Variants in FNBP1L observed in about 807,000 individuals in gnomAD.
FNBP1L encodes formin-binding protein 1-like.
Under a neutral mutation model 91.2 loss-of-function variants are expected in FNBP1L, and 36 were observed. That is an observed-to-expected ratio of 0.39 (90% CI 0.30 to 0.52). FNBP1L has a LOEUF of 0.52. Ranked by LOEUF, FNBP1L falls within the 20% of genes least tolerant of loss-of-function variation. The pLI is 0.66. For synonymous variants in FNBP1L, 242 were observed against 237.0 expected (o/e 1.02, Z -0.19); for missense variants, 571 against 732.1 (o/e 0.78, Z 2.54).
At position 93,510,604 on chromosome 1, in the gene FNBP1L, C is replaced by T. The variant is rs556480438; in HGVS notation, c.140+11021C>T. Reference sequence around the variant, plus strand: ...TCACCAGCAACGGAACAAAGCTGGACGGAGAATGACTTTGATGAGCTGAGA... The same window carrying T: ...TCACCAGCAACGGAACAAAGCTGGATGGAGAATGACTTTGATGAGCTGAGA... On this transcript the variant is annotated intron_variant, in intron 2 of 16. Transcript: ENST00000271234. 4.9e-4 allele frequency among the ~76,000 whole-genome samples: 75 copies of T among 151,786 alleles called. 1 individual carries two copies. Among genetic ancestry groups the T allele is most frequent in the African/African-American group, 1.5e-3 (62 of 41,370 alleles).
intron 5 of FNBP1L, among the ~76,000 whole-genome samples, chr1:93,527,917 C>T (rs1036007869): frequency 6.6e-6 from 1 of 151,614 alleles, no homozygotes; most frequent in African/African-American, 2.4e-5. Context: ...AATTTTACAT[C>T]CATGAAATAA....
intron 11 of FNBP1L, 138 bp from the exon 12 acceptor site, chr1:93,543,969 T>TG: frequency 2.1e-6 from 1 of 484,598 alleles, no homozygotes; most frequent in Non-Finnish European, 3.6e-6. Context: ...GTAGATTTCT[T>TG]TTTTTTTTAA....
rs138214449 is a variant in FNBP1L at position 93,480,218 on chromosome 1, T to C, written c.25-19250T>C. ...TTTACTGAACCTCAGAACAATTTAG[T>C]GAAGAGAACAATTTAACAAAGAGAA... On this transcript the variant is annotated intron_variant, in intron 1 of 16. Transcript: ENST00000271234. Among the ~76,000 whole-genome samples the C allele has an allele frequency of 1.9e-3, 290 of 152,282 alleles. 2 individuals carry two copies. The highest frequency in any genetic ancestry group is 6.7e-3 in the African/African-American group (278 of 41,562).
intron 12 of FNBP1L, among the ~76,000 whole-genome samples, chr1:93,545,516 G>A (rs1024728287): frequency 6.6e-6 from 1 of 152,130 alleles, no homozygotes; most frequent in Admixed American, 6.6e-5. Flanking sequence ...AATAATAGAA[G>A]TTGAGGATGA....
intron 1 of FNBP1L, among the ~76,000 whole-genome samples, chr1:93,475,177 A>G (rs1037684167): frequency 1.1e-4 from 17 of 152,194 alleles, no homozygotes; most frequent in Non-Finnish European, 2.5e-4. Flanking sequence ...TTGCAATGAA[A>G]GAAGTAAAAT....
In FNBP1L at chr1:93,515,704, GAATTGAAC is replaced by G. The variant is rs543688555; in HGVS notation, c.141-6374_141-6367del. ...ACCGCATATTCTCCCTCATAGGTGG[GAATTGAAC>G]AATGAGAACACATGGACACAGGAAG... On this transcript the variant is annotated intron_variant, in intron 2 of 16. Coordinates refer to ENST00000271234, the MANE Select transcript of FNBP1L (RefSeq NM_001164473.3). 1.7e-3 allele frequency among the ~76,000 whole-genome samples: 243 copies of G among 146,466 alleles called. 1 individual carries two copies. Among genetic ancestry groups the G allele is most frequent in the South Asian group, 5.0e-3 (23 of 4,586 alleles).
chr1:93,542,014 C>A (rs1672062545), intron 11 of FNBP1L, among the ~76,000 whole-genome samples: 1 of 151,954 alleles, frequency 6.6e-6, no homozygotes, highest in Non-Finnish European at 1.5e-5. Flanking sequence ...AAAAAAAACT[C>A]CACAGTATGT....
chr1:93,515,134 C>G (rs1329838478), intron 2 of FNBP1L, among the ~76,000 whole-genome samples: 2 of 152,338 alleles, frequency 1.3e-5, no homozygotes, highest in South Asian at 2.1e-4. Context: ...CAAAAGAAGA[C>G]ATTTATGCAG....
At chr1:93,543,992 G>T in intron 11 of FNBP1L, 115 bp from the exon 12 acceptor site, 4 of 661,912 alleles carry the variant, frequency 6.0e-6, no homozygotes, top group Admixed American at 3.8e-5. Context: ...GGTTGCTTGA[G>T]GCAAATTTGA....
In FNBP1L at chr1:93,453,746, C is replaced by T. The variant is rs542046602; in HGVS notation, c.24+5441C>T. On this transcript the variant is annotated intron_variant, in intron 1 of 16. Coordinates refer to ENST00000271234, the MANE Select transcript of FNBP1L (RefSeq NM_001164473.3). ...TGTTCTATAGAATGTGAAAGCCGTT[C>T]CATATTTCAGTTCAGGCCATGTCTA... Among the ~76,000 whole-genome samples, 31 of 152,270 alleles carry T rather than the reference C, an allele frequency of 2.0e-4. No individual in the cohort carries two copies. The South Asian group carries it at 6.2e-3, about 31-fold the overall frequency.
At position 93,474,832 on chromosome 1, in the gene FNBP1L, T is replaced by A. The variant is rs530720687; in HGVS notation, c.25-24636T>A. 4.6e-5 allele frequency among the ~76,000 whole-genome samples: 7 copies of A among 152,348 alleles called. No individual in the cohort carries two copies. In the South Asian group the frequency reaches 1.4e-3, roughly 32 times the overall value. On this transcript the variant is annotated intron_variant, in intron 1 of 16. Transcript: ENST00000271234. ...CCTTACTAAATAACTACATCCTAAC[T>A]TCTTCTGCCTCTTTTCACTGTAGTT...
At chr1:93,475,654 A>G (rs1430303045) in intron 1 of FNBP1L, among the ~76,000 whole-genome samples, 2 of 152,244 alleles carry the variant, frequency 1.3e-5, no homozygotes, top group Non-Finnish European at 2.9e-5. Context: ...AATATTTTGC[A>G]TAAGTGTAAA....
chr1:93,450,046 C>T (rs1668435788), intron 1 of FNBP1L, among the ~76,000 whole-genome samples: 1 of 151,970 alleles, frequency 6.6e-6, no homozygotes, highest in African/African-American at 2.4e-5. Flanking sequence ...CATAGGAAAA[C>T]AGTGGAGGCA....
intron 1 of FNBP1L, among the ~76,000 whole-genome samples, chr1:93,457,287 C>G (rs1668704015): frequency 6.6e-6 from 1 of 152,156 alleles, no homozygotes; most frequent in Non-Finnish European, 1.5e-5. Context: ...CACCTTCTTC[C>G]TTTTTAACAT....
At position 93,553,477 on chromosome 1, in the gene FNBP1L, A is replaced by G. The variant is rs1239441156; in HGVS notation, c.*1061A>G. The G allele has an allele frequency of 6.6e-6, 1 of 152,654 alleles. No individual in the cohort carries two copies. Among genetic ancestry groups the G allele is most frequent in the Non-Finnish European group, 1.5e-5 (1 of 68,030 alleles). The allele number at this position is 152,654 out of a possible 1,614,324, so 9.5% of individuals were successfully genotyped here. A position where few individuals can be genotyped will look rare whatever the true frequency, so the allele number is the denominator to read the frequency against. ...CAGTGGTGCATCTTCAAATTTATGC[A>G]TCAAACTAAAGACATGTCCAAGTCC... On this transcript the variant is annotated 3_prime_UTR_variant, in exon 17 of 17. Coordinates refer to ENST00000271234, the MANE Select transcript of FNBP1L (RefSeq NM_001164473.3).
At chr1:93,487,180 C>T (rs1468446074) in intron 1 of FNBP1L, among the ~76,000 whole-genome samples, 2 of 152,202 alleles carry the variant, frequency 1.3e-5, no homozygotes, top group Non-Finnish European at 2.9e-5. Flanking sequence ...ACACTTTCTC[C>T]TCCTTGAAAT....
intron 1 of FNBP1L, among the ~76,000 whole-genome samples, chr1:93,477,553 A>G (rs936773422): frequency 5.9e-5 from 9 of 152,208 alleles, no homozygotes; most frequent in Middle Eastern, 3.2e-3. Flanking sequence ...AAGCTCTTCT[A>G]TTTCTCATTA....
chr1:93,552,435 TG>T lies in FNBP1L; in HGVS notation c.*22del. ...TTCCTGAAGAGGGTTTCTGAGGAAA[TG>T]GGCAAGATGTTGAAGGAGGTTACAT... On this transcript the variant is annotated 3_prime_UTR_variant, in exon 17 of 17. Transcript: ENST00000271234. The T allele has an allele frequency of 1.9e-6, 3 of 1,612,634 alleles. No individual in the cohort carries two copies. The highest frequency in any genetic ancestry group is 2.5e-6 in the Non-Finnish European group (3 of 1,179,288).
intron 14 of FNBP1L, among the ~76,000 whole-genome samples, chr1:93,548,183 T>A (rs1026293838): frequency 2.6e-5 from 4 of 152,190 alleles, no homozygotes; most frequent in Non-Finnish European, 1.5e-5. Flanking sequence ...ATATCTTTAA[T>A]CTGTTAAGAG....
Sources: allele counts gnomAD v4.1 joint callset (sites outside exome capture counted in the v4.1 genomes callset), GRCh38; gene constraint gnomAD v4.1.1; transcripts MANE v1.5; gene names NCBI Gene and HGNC (gene_info 2026-07-23, HGNC 2026-07-21).